CFB: variants seen among roughly 807,000 people sequenced by gnomAD.
CFB encodes B-factor, properdin.
Under a neutral mutation model 97.2 loss-of-function variants are expected in CFB, and 59 were observed. The observed-to-expected ratio is 0.61, with a 90% CI of 0.49 to 0.75. CFB has a LOEUF of 0.75. CFB is among the 30% of genes least tolerant of loss of function. The pLI is 0.00. For missense variants in CFB, 771 were observed against 959.8 expected (o/e 0.80, Z 2.60); for synonymous variants, 316 against 351.7 (o/e 0.90, Z 1.14).
At position 31,949,554 on chromosome 6, in the gene CFB, A is replaced by G; in HGVS notation, c.1405A>G (p.Ile469Val). The change falls in exon 10 of 18, where the codon ATC (isoleucine) becomes GTC (valine). Residue 469 changes from isoleucine to valine, a missense_variant. Physicochemically the swap from Ile to Val is conservative, Grantham distance 29. Transcript: ENST00000425368. ...CCTGGAAGATGTTTTCTACCAAATG[A>G]TCGGTAGGGAGATACAAGGGAATAA... is the stretch of plus-strand genomic sequence containing the variant. Reference protein sequence around the residue: ...ENLEDVFYQMIDESQSLSLCG... With the variant: ...ENLEDVFYQMVDESQSLSLCG... The G allele has an allele frequency of 6.2e-7, 1 of 1,613,080 alleles. No individual in the cohort carries two copies. The highest frequency in any genetic ancestry group is 8.5e-7 in the Non-Finnish European group (1 of 1,180,032).
rs1242552208 is a variant in CFB at position 31,951,654 on chromosome 6, C to T, written c.2139+50C>T. The T allele has an allele frequency of 5.0e-6, 8 of 1,610,944 alleles. No homozygotes were observed. The East Asian group carries it at 8.9e-5, about 18-fold the overall frequency. ...GGAGATGCCAAGTGGTCAGCATGGG[C>T]CCCAAAGCAGGAAAGCTCAATGCAT... On this transcript the variant is annotated intron_variant, in intron 17 of 17. Coordinates refer to ENST00000425368, the MANE Select transcript of CFB (RefSeq NM_001710.6). The surrounding 1 kb of genome is among the most constrained non-coding windows in gnomAD (Gnocchi z 4.3).
In CFB at chr6:31,946,662, G is replaced by A; in HGVS notation, c.298+56G>A. On this transcript the variant is annotated intron_variant, in intron 2 of 17. Coordinates refer to ENST00000425368, the MANE Select transcript of CFB (RefSeq NM_001710.6). The surrounding 1 kb of genome is among the most constrained non-coding windows in gnomAD (Gnocchi z 6.4). Reference sequence around the variant, plus strand: ...TAAGGCAGAAACAGGGCAGGCGGCAGCAAGGTCAGGACTAGGATGAGACTA... The same window carrying A: ...TAAGGCAGAAACAGGGCAGGCGGCAACAAGGTCAGGACTAGGATGAGACTA... 1 of 1,495,020 alleles carries A rather than the reference G, an allele frequency of 6.7e-7. No homozygotes were observed. Among genetic ancestry groups the A allele is most frequent in the Non-Finnish European group, 9.1e-7 (1 of 1,093,372 alleles). 92.6% of individuals were successfully genotyped at this position (1,495,020 alleles called of 1,614,324 possible).
chr6:31,948,889 A>G lies in CFB; in HGVS notation c.1096A>G (p.Met366Val). ...KKALQAVYSM[M>V]SWPDDVPPEG... ...GGCCCTCCAGGCAGTGTACAGCATG[A>G]TGAGCTGGCCAGATGACGTCCCTCC... Residue 366 changes from methionine (M) to valine (V), a missense_variant, in exon 8 of 18, where the codon ATG (methionine) becomes GTG (valine). By Grantham distance (21) the Met-to-Val change is conservative (BLOSUM62 1). Transcript: ENST00000425368. 1 of 1,612,946 alleles carries G rather than the reference A, an allele frequency of 6.2e-7. No homozygotes were observed. Among genetic ancestry groups the G allele is most frequent in the East Asian group, 2.2e-5 (1 of 44,880 alleles).
chr6:31,951,424 C>T lies in CFB; in HGVS notation c.2040C>T (p.Phe680=), dbSNP rs1354704780. Residue 680 remains phenylalanine (F), a synonymous_variant, in exon 16 of 18, where the codon TTC becomes TTT. Transcript: ENST00000425368. The surrounding 1 kb of genome is among the most constrained non-coding windows in gnomAD (Gnocchi z 4.3). ...TCTCAGAGGTGGTCACCCCTCGGTT[C>T]CTTTGTACTGGAGGAGTGAGTCCCT... ...KDISEVVTPR[F]LCTGGVSPYA... 1 of 1,614,168 alleles carries T rather than the reference C, an allele frequency of 6.2e-7. No individual in the cohort carries two copies. Among genetic ancestry groups the T allele is most frequent in the South Asian group, 1.1e-5 (1 of 91,086 alleles).
chr6:31,946,191 A>C lies in CFB; in HGVS notation c.-31A>C. ...AAGCCAGGACACACCATCCTGCCCC[A>C]GGCCCAGCTTCTCTCCTGCCTTCCA... On this transcript the variant is annotated 5_prime_UTR_variant, in exon 1 of 18. Coordinates refer to ENST00000425368, the MANE Select transcript of CFB (RefSeq NM_001710.6). This position sits in a 1 kb window ranked among gnomAD's most constrained non-coding sequence, Gnocchi z 6.4. The C allele has an allele frequency of 6.2e-7, 1 of 1,612,058 alleles. No homozygotes were observed. Among genetic ancestry groups the C allele is most frequent in the Non-Finnish European group, 8.5e-7 (1 of 1,179,074 alleles).
chr6:31,949,737 C>T, intron 10 of CFB, 180 bp downstream of exon 10: 1 of 806,114 alleles, frequency 1.2e-6, no homozygotes, highest in East Asian at 2.7e-5. Context: ...AATCACAGAG[C>T]TCTGAGCACT....
chr6:31,948,797 C>T, intron 7 of CFB, 33 bp from the exon 8 acceptor site: 1 of 1,612,940 alleles, frequency 6.2e-7, no homozygotes, highest in Non-Finnish European at 8.5e-7. Context: ...CTTGGAAGAC[C>T]AGGTGAGGTG....
At position 31,952,082 on chromosome 6, in the gene CFB, A is replaced by C; in HGVS notation, c.*52A>C. On this transcript the variant is annotated 3_prime_UTR_variant, in exon 18 of 18. Transcript: ENST00000425368. Reference sequence around the variant, plus strand: ...GGATTGAATTAAAACAGCTGCGACAACACCTGTGTTCCAGATCCTTTTGGG... The same window carrying C: ...GGATTGAATTAAAACAGCTGCGACACCACCTGTGTTCCAGATCCTTTTGGG... 6.2e-7 allele frequency: 1 copy of C among 1,604,034 alleles called. No homozygotes were observed. The highest frequency in any genetic ancestry group is 8.5e-7 in the Non-Finnish European group (1 of 1,174,606).
chr6:31,950,570 G>C lies in CFB; in HGVS notation c.1625-49G>C, dbSNP rs202177308. 604 of 1,611,898 alleles carry C rather than the reference G, an allele frequency of 3.7e-4. 16 individuals carry two copies. In the Admixed American group the frequency reaches 7.3e-3, roughly 19 times the overall value. On this transcript the variant is annotated intron_variant, in intron 12 of 17. Coordinates refer to ENST00000425368, the MANE Select transcript of CFB (RefSeq NM_001710.6). ...TGAAGTTAGGAATGACACGGGGCCA[G>C]AGGCAGGAAGCTGCCCACAAAGAGG...
At chr6:31,949,794 C>A in intron 10 of CFB, 1 of 696,232 alleles carries the variant, frequency 1.4e-6, no homozygotes, top group Non-Finnish European at 2.4e-6. Flanking sequence ...GAAACAGAAG[C>A]CAAAGGAGGT....
Position 31,951,922 on chromosome 6 carries a change from G to A in CFB, c.2187G>A (p.Lys729=). Reference sequence around the variant, plus strand: ...TAGTGGATGTCTGCAAAAACCAGAAGCGGCAAAAGCAGGTACCTGCTCACG... The same window carrying A: ...TAGTGGATGTCTGCAAAAACCAGAAACGGCAAAAGCAGGTACCTGCTCACG... The part of the protein sequence containing the change: ...WGVVDVCKNQ[K]RQKQVPAHAR... The change falls in exon 18 of 18, where the codon AAG becomes AAA. Residue 729 remains lysine (K), a synonymous_variant. Transcript: ENST00000425368. The surrounding 1 kb of genome is among the most constrained non-coding windows in gnomAD (Gnocchi z 4.3). The A allele has an allele frequency of 1.2e-6, 2 of 1,613,128 alleles. No homozygotes were observed. The highest frequency in any genetic ancestry group is 1.7e-6 in the Non-Finnish European group (2 of 1,180,044).
At chr6:31,948,688 C>T in intron 7 of CFB, 142 bp from the exon 8 acceptor site, 2 of 1,522,812 alleles carry the variant, frequency 1.3e-6, no homozygotes, top group South Asian at 2.3e-5. Flanking sequence ...GGAAGGGCCA[C>T]TTTGTGGTCA....
At position 31,946,330 on chromosome 6, in the gene CFB, C is replaced by T. The variant is rs2151780027; in HGVS notation, c.65-43C>T. 1 of 1,613,006 alleles carries T rather than the reference C, an allele frequency of 6.2e-7. No homozygotes were observed. Among genetic ancestry groups the T allele is most frequent in the Middle Eastern group, 1.7e-4 (1 of 6,060 alleles). Reference sequence around the variant, plus strand: ...CCTTCCTGCTGTCTCCAGCATCCCTCCTTGGCCTTTTGGGGCCAGGCTTCA... The same window carrying T: ...CCTTCCTGCTGTCTCCAGCATCCCTTCTTGGCCTTTTGGGGCCAGGCTTCA... On this transcript the variant is annotated intron_variant, in intron 1 of 17. Transcript: ENST00000425368. This position sits in a 1 kb window ranked among gnomAD's most constrained non-coding sequence, Gnocchi z 6.4.
Position 31,947,408 on chromosome 6 carries a change from G to A in CFB, c.545G>A (p.Arg182His). ...IGTRKVGSQY[R>H]LEDSVTYHCS... Reference sequence around the variant, plus strand: ...ACAAGGAAGGTGGGCAGCCAGTACCGCCTTGAAGACAGCGTCACCTACCAC... The same window carrying A: ...ACAAGGAAGGTGGGCAGCCAGTACCACCTTGAAGACAGCGTCACCTACCAC... The change falls in exon 4 of 18, where the codon CGC becomes CAC. Residue 182 changes from arginine to histidine, a missense_variant. Arg to His is a conservative substitution (Grantham distance 29). Coordinates refer to ENST00000425368, the MANE Select transcript of CFB (RefSeq NM_001710.6). The surrounding 1 kb of genome is among the most constrained non-coding windows in gnomAD (Gnocchi z 5.3). 1.9e-6 allele frequency: 3 copies of A among 1,612,990 alleles called. No individual in the cohort carries two copies. The highest frequency in any genetic ancestry group is 2.2e-5 in the South Asian group (2 of 91,086).
In CFB at chr6:31,951,921, A is replaced by G. The variant is rs11541541; in HGVS notation, c.2186A>G (p.Lys729Arg). 82 of 1,613,126 alleles carry G rather than the reference A, an allele frequency of 5.1e-5. No homozygotes were observed. In the African/African-American group the frequency reaches 8.5e-4, roughly 17 times the overall value. ...GTAGTGGATGTCTGCAAAAACCAGAAGCGGCAAAAGCAGGTACCTGCTCAC... is the reference window on the plus strand; with the variant it reads ...GTAGTGGATGTCTGCAAAAACCAGAGGCGGCAAAAGCAGGTACCTGCTCAC... Reference protein sequence around the residue: ...WGVVDVCKNQKRQKQVPAHAR... With the variant: ...WGVVDVCKNQRRQKQVPAHAR... The change falls in exon 18 of 18, where the codon AAG becomes AGG. Residue 729 changes from lysine to arginine, a missense_variant. By Grantham distance (26) the Lys-to-Arg change is conservative (BLOSUM62 2). Transcript: ENST00000425368. This position sits in a 1 kb window ranked among gnomAD's most constrained non-coding sequence, Gnocchi z 4.3.
In CFB at chr6:31,947,805, C is replaced by T. The variant is rs1771532987; in HGVS notation, c.722C>T (p.Thr241Ile). Residue 241 changes from threonine to isoleucine, a missense_variant, in exon 5 of 18, where the codon ACC becomes ATC. By Grantham distance (89) the Thr-to-Ile change is moderately conservative. Transcript: ENST00000425368. The surrounding 1 kb of genome is among the most constrained non-coding windows in gnomAD (Gnocchi z 5.3). The stretch of plus-strand genomic sequence containing the variant: ...GCTTTCCTGTCTTCCCTGACAGAGA[C>T]CATAGAAGGAGTCGATGCTGAGGAT... ...AEAFLSSLTE[T>I]IEGVDAEDGH... 2 of 1,613,466 alleles carry T rather than the reference C, an allele frequency of 1.2e-6. No individual in the cohort carries two copies. The highest frequency in any genetic ancestry group is 1.3e-5 in the African/African-American group (1 of 74,890).
Position 31,946,389 on chromosome 6 carries a change from A to G in CFB, c.81A>G (p.Pro27=). 1 of 1,612,942 alleles carries G rather than the reference A, an allele frequency of 6.2e-7. No individual in the cohort carries two copies. Among genetic ancestry groups the G allele is most frequent in the Non-Finnish European group, 8.5e-7 (1 of 1,179,988 alleles). ...GLLSGGVTTT[P]WSLARPQGSC... ...TCTCTTCAGGTGTGACCACCACTCC[A>G]TGGTCTTTGGCCCGGCCCCAGGGAT... The change falls in exon 2 of 18, where the codon CCA becomes CCG. Residue 27 remains proline, a synonymous_variant. Transcript: ENST00000425368. This position sits in a 1 kb window ranked among gnomAD's most constrained non-coding sequence, Gnocchi z 6.4.
intron 10 of CFB, 85 bp from the exon 11 acceptor site, chr6:31,949,965 C>T (rs1771647308): frequency 2.3e-6 from 3 of 1,306,642 alleles, no homozygotes; most frequent in South Asian, 2.4e-5. Flanking sequence ...TGGGCCTTTG[C>T]TCCCCATAGA....
chr6:31,949,634 G>T (rs1401096203), intron 10 of CFB, 77 bp downstream of exon 10: 4 of 1,571,874 alleles, frequency 2.5e-6, no homozygotes, highest in Non-Finnish European at 3.5e-6. Context: ...CTCTACACCT[G>T]AAGCTCTAGT....
Sources: gnomAD v4.1 joint callset for allele counts on GRCh38, gnomAD v4.1.1 for gene constraint, Gnocchi (gnomAD v3.1) non-coding constraint, MANE v1.5 for transcripts, NCBI Gene and HGNC (gene_info 2026-07-23, HGNC 2026-07-21) for gene names.